The following KCNQ5 variants were observed in gnomAD, a reference collection of about 807,000 sequenced individuals.
KCNQ5 encodes potassium voltage-gated channel subfamily Q member 5.
A neutral mutation model predicts 98.2 loss-of-function variants in KCNQ5; 30 were observed. That is an observed-to-expected ratio of 0.31 (90% CI 0.23 to 0.41). The LOEUF is 0.41. Ranked by LOEUF, KCNQ5 falls within the 10% of genes least tolerant of loss-of-function variation. The pLI, the probability that KCNQ5 is intolerant of heterozygous loss-of-function variation, is 1.00. For missense variants in KCNQ5, 835 were observed against 1,182.5 expected (o/e 0.71, Z 4.31); for synonymous variants, 458 against 449.4 (o/e 1.02, Z -0.24).
At chr6:73,133,334 G>A (rs956782102) in intron 9 of KCNQ5, 87 bp from the exon 10 acceptor site, 1 of 1,090,806 alleles carries the variant, frequency 9.2e-7, no homozygotes, top group African/African-American at 1.6e-5. Flanking sequence ...TGAAATATAT[G>A]ACCACATGAG....
chr6:73,149,538 C>G (rs1777059691), intron 10 of KCNQ5, among the ~76,000 whole-genome samples: 1 of 152,188 alleles, frequency 6.6e-6, no homozygotes, highest in Non-Finnish European at 1.5e-5. Context: ...TGGCTCACGC[C>G]TGTAATCCCA....
intron 1 of KCNQ5, among the ~76,000 whole-genome samples, chr6:72,656,881 A>G (rs552121181): frequency 6.6e-6 from 1 of 152,246 alleles, no homozygotes; most frequent in Admixed American, 6.5e-5. Context: ...ATTGTACAAC[A>G]CCATTTAACA....
chr6:72,868,431 T>G (rs1469707083), intron 1 of KCNQ5, among the ~76,000 whole-genome samples: 2 of 152,190 alleles, frequency 1.3e-5, no homozygotes, highest in Admixed American at 1.3e-4. Context: ...AGAAATTTCA[T>G]TCTAATCATG....
At chr6:72,745,754 G>GTAC (rs1226643404) in intron 1 of KCNQ5, among the ~76,000 whole-genome samples, 1 of 152,108 alleles carries the variant, frequency 6.6e-6, no homozygotes, top group Non-Finnish European at 1.5e-5. Context: ...CTCTCTCACA[G>GTAC]TACTTGATGC....
At chr6:72,972,826 ATGTGT>A (rs1767969631) in intron 1 of KCNQ5, among the ~76,000 whole-genome samples, 1 of 152,208 alleles carries the variant, frequency 6.6e-6, no homozygotes, top group Non-Finnish European at 1.5e-5. Context: ...TAAGAATACA[ATGTGT>A]TTGTATAATG....
At chr6:73,004,677 T>C (rs2150323695) in intron 2 of KCNQ5, among the ~76,000 whole-genome samples, 1 of 152,354 alleles carries the variant, frequency 6.6e-6, no homozygotes, top group East Asian at 1.9e-4. Context: ...AACTAAACTA[T>C]AGCACTGTAC....
At chr6:73,009,566 A>C (rs929174274) in intron 2 of KCNQ5, among the ~76,000 whole-genome samples, 2 of 152,176 alleles carry the variant, frequency 1.3e-5, no homozygotes, top group African/African-American at 4.8e-5. Flanking sequence ...CTAGAAAAAC[A>C]ATAAAGAAAA....
intron 1 of KCNQ5, among the ~76,000 whole-genome samples, chr6:72,871,872 T>A (rs1229597542): frequency 6.6e-6 from 1 of 152,154 alleles, no homozygotes; most frequent in East Asian, 1.9e-4. Context: ...TAACCTCATA[T>A]TTTTTCCTCA....
At chr6:72,875,196 A>G (rs1177173634) in intron 1 of KCNQ5, among the ~76,000 whole-genome samples, 1 of 152,232 alleles carries the variant, frequency 6.6e-6, no homozygotes, top group Non-Finnish European at 1.5e-5. Flanking sequence ...ACCTCATCAC[A>G]GTGAACTCAG....
At chr6:72,947,276 T>C (rs544114677) in intron 1 of KCNQ5, among the ~76,000 whole-genome samples, 50 of 152,266 alleles carry the variant, frequency 3.3e-4, no homozygotes, top group African/African-American at 1.2e-3. Context: ...CACTACAAAT[T>C]TGAGGTCAGG....
intron 1 of KCNQ5, among the ~76,000 whole-genome samples, chr6:72,666,654 T>A (rs1766831949): frequency 6.6e-6 from 1 of 152,194 alleles, no homozygotes; most frequent in African/African-American, 2.4e-5. Context: ...TAAAGTGATC[T>A]GAAATACAGA....
intron 1 of KCNQ5, among the ~76,000 whole-genome samples, chr6:72,730,257 T>G (rs534394517): frequency 2.0e-5 from 3 of 152,332 alleles, no homozygotes; most frequent in African/African-American, 7.2e-5. Context: ...TTAATTGAAT[T>G]GTAAATATTT....
chr6:72,627,408 G>A (rs577037297), intron 1 of KCNQ5, among the ~76,000 whole-genome samples: 2 of 152,290 alleles, frequency 1.3e-5, no homozygotes, highest in South Asian at 4.2e-4. Flanking sequence ...CAAAGGCCGA[G>A]GGAAAGCCTG....
chr6:72,622,780 A>C lies in KCNQ5; in HGVS notation c.398+193A>C, dbSNP rs1233447122. Reference sequence around the variant, plus strand: ...CCAGCCCCACTTCTCTCATCTCTACAGCTTGAACCTTTTCCCCGAGGACAC... The same window carrying C: ...CCAGCCCCACTTCTCTCATCTCTACCGCTTGAACCTTTTCCCCGAGGACAC... On this transcript the variant is annotated intron_variant, in intron 1 of 13. Transcript: ENST00000370398. The surrounding 1 kb of genome is among the most constrained non-coding windows in gnomAD (Gnocchi z 6.0). 6.6e-6 allele frequency among the ~76,000 whole-genome samples: 1 copy of C among 151,958 alleles called. No homozygotes were observed. Among genetic ancestry groups the C allele is most frequent in the Non-Finnish European group, 1.5e-5 (1 of 67,964 alleles).
chr6:72,624,611 C>T (rs1441582098), intron 1 of KCNQ5, among the ~76,000 whole-genome samples: 1 of 152,214 alleles, frequency 6.6e-6, no homozygotes, highest in Non-Finnish European at 1.5e-5. Flanking sequence ...AGGTTGGATA[C>T]TTCTCTGTCT....
chr6:72,906,285 G>C (rs1562059656), intron 1 of KCNQ5, among the ~76,000 whole-genome samples: 1 of 152,140 alleles, frequency 6.6e-6, no homozygotes, highest in East Asian at 1.9e-4. Context: ...CCAGGCAGCG[G>C]GCAAGCAGGG....
At chr6:73,186,661 A>G (rs1443069103) in intron 11 of KCNQ5, among the ~76,000 whole-genome samples, 5 of 152,208 alleles carry the variant, frequency 3.3e-5, no homozygotes, top group African/African-American at 1.2e-4. Flanking sequence ...GAGCCTAGAG[A>G]GTAACATACA....
At chr6:72,910,668 G>T (rs1232659195) in intron 1 of KCNQ5, among the ~76,000 whole-genome samples, 8 of 150,172 alleles carry the variant, frequency 5.3e-5, no homozygotes, top group Admixed American at 3.3e-4. Flanking sequence ...TTCTTACCTG[G>T]ACCTCCTTCT....
At chr6:72,694,205 A>G (rs182389813) in intron 1 of KCNQ5, among the ~76,000 whole-genome samples, 5 of 152,220 alleles carry the variant, frequency 3.3e-5, no homozygotes, top group Non-Finnish European at 5.9e-5. Context: ...ACAATTTATC[A>G]TTTCTGTGAG....
Sources: allele counts gnomAD v4.1 joint callset (sites outside exome capture counted in the v4.1 genomes callset), GRCh38; gene constraint gnomAD v4.1.1; non-coding constraint Gnocchi (gnomAD v3.1); transcripts MANE v1.5; gene names NCBI Gene and HGNC (gene_info 2026-07-23, HGNC 2026-07-21).